The following OTUD5 variants were observed in gnomAD, a reference collection of about 807,000 sequenced individuals.
The protein encoded by OTUD5 is OTU deubiquitinase 5, also known as OTU domain-containing protein 5.
A neutral mutation model predicts 36.3 loss-of-function variants in OTUD5; 2 were observed. The observed-to-expected ratio is 0.06, with a 90% CI of 0.02 to 0.17. The LOEUF is 0.17. Among genes scored for constraint, OTUD5 ranks in the 10% least tolerant of loss-of-function variants. The pLI, the probability that OTUD5 is intolerant of heterozygous loss-of-function variation, is 1.00. For missense variants in OTUD5, 233 were observed against 512.3 expected, an observed-to-expected ratio of 0.45 and a Z score of 5.26; for synonymous variants, 234 against 214.9, an observed-to-expected ratio of 1.09 and a Z score of -0.78.
At chrX:48,951,791 C>T (rs1334966906) in intron 1 of OTUD5, among the ~76,000 whole-genome samples, 4 of 112,137 alleles carry the variant, frequency 3.6e-5, no homozygotes, top group African/African-American at 1.3e-4. Context: ...CGGTGACTCA[C>T]ACCTGTAATC....
intron 1 of OTUD5, among the ~76,000 whole-genome samples, chrX:48,950,628 C>T (rs1189890148): frequency 2.9e-5 from 3 of 105,115 alleles, no homozygotes; most frequent in Non-Finnish European, 5.9e-5. Flanking sequence ...CTGCAACCCC[C>T]ACCTCACTGC....
intron 8 of OTUD5, 130 bp from the exon 9 acceptor site, chrX:48,923,425 G>A (rs2073311198): frequency 1.7e-5 from 10 of 589,981 alleles, no homozygotes; most frequent in Admixed American, 6.0e-5. Context: ...CAAAACAGAA[G>A]GATCTGCTAG....
rs1259559673 is a variant in OTUD5 at position 48,922,221 on chromosome X, T to C, written c.*953A>G. ...ACAGAGTCGCTCAGGGAAACTGACA[T>C]TTGGTTTTATTGTGCCAAGGACATT... On this transcript the variant is annotated 3_prime_UTR_variant, in exon 9 of 9. Transcript: ENST00000376488. The C allele has an allele frequency of 9.1e-6, 1 of 109,624 alleles. No individual in the cohort carries two copies. Among genetic ancestry groups the C allele is most frequent in the African/African-American group, 3.3e-5 (1 of 30,067 alleles). The allele number at this position is 109,624 out of a possible 1,213,427, so 9.0% of individuals were successfully genotyped here.
At chrX:48,933,695 G>A (rs1273270948) in intron 5 of OTUD5, among the ~76,000 whole-genome samples, 7 of 111,917 alleles carry the variant, frequency 6.3e-5, no homozygotes, top group African/African-American at 2.3e-4. Flanking sequence ...TGGGATTACA[G>A]GTGTGGGCCA....
At chrX:48,955,209 T>TC (rs1557054860) in intron 1 of OTUD5, among the ~76,000 whole-genome samples, 1 of 111,692 alleles carries the variant, frequency 9.0e-6, no homozygotes, top group African/African-American at 3.3e-5. Flanking sequence ...AAGTCTTATG[T>TC]CCCTAAATGA....
At chrX:48,956,115 C>G (rs1428446024) in intron 1 of OTUD5, among the ~76,000 whole-genome samples, 6 of 111,829 alleles carry the variant, frequency 5.4e-5, no homozygotes, top group African/African-American at 2.0e-4. Context: ...GGTTCAGGCC[C>G]TTGTCTCCCA....
At position 48,923,192 on chromosome X, in the gene OTUD5, C is replaced by T. The variant is rs142390277; in HGVS notation, c.1683G>A (p.Pro561=). 6.3e-3 allele frequency: 7,647 copies of T among 1,205,338 alleles called. 355 individuals are homozygous for T. The African/African-American group carries it at 0.12, about 18-fold the overall frequency. Residue 561 remains proline (P), a synonymous_variant, in exon 9 of 9, where the codon CCG becomes CCA. Transcript: ENST00000376488. ...SMKKNKVHRD[P]PPDKS is the part of the protein sequence containing the mutation. Reference sequence around the variant, plus strand: ...GTCTCCATCAACTCTTGTCTGGGGGCGGGTCTCTGTGCACTTTGTTTTTCT... The same window carrying T: ...GTCTCCATCAACTCTTGTCTGGGGGTGGGTCTCTGTGCACTTTGTTTTTCT...
chrX:48,957,931 G>A (rs1557056258), upstream of OTUD5: 3 of 516,607 alleles, frequency 5.8e-6, no homozygotes, highest in African/African-American at 2.6e-5. Flanking sequence ...CCGCCCCCTC[G>A]CAGGTTCTTG....
chrX:48,950,344 T>C (rs1321605609), intron 1 of OTUD5, among the ~76,000 whole-genome samples: 1 of 109,304 alleles, frequency 9.1e-6, no homozygotes, highest in Non-Finnish European at 1.9e-5. Flanking sequence ...ATGGTGAAGA[T>C]GGAGGCAGAG....
rs782737766 is a variant in OTUD5 at position 48,957,431 on chromosome X, CCGCCCACGCCCGTGCCGCCGCCGCCCA to C, written c.113_139del (p.Val38_Gly46del). On this transcript the variant is annotated inframe_deletion, in exon 1 of 9. Transcript: ENST00000376488. Reference sequence around the variant, plus strand: ...GCCGGAGTCACGGTCGCGATCGCCGCCGCCCACGCCCGTGCCGCCGCCGCCCACGCCCACACCTCCGCCGCGCCGCGG... The same window carrying C: ...GCCGGAGTCACGGTCGCGATCGCCGCCGCCCACACCTCCGCCGCGCCGCGG... The C allele has an allele frequency of 2.9e-6, 3 of 1,024,346 alleles. No homozygotes were observed. The highest frequency in any genetic ancestry group is 2.7e-5 in the South Asian group (1 of 37,167). 84.4% of individuals were successfully genotyped at this position (1,024,346 alleles called of 1,213,427 possible). A position where few individuals can be genotyped will look rare whatever the true frequency, so the allele number is the denominator to read the frequency against.
intron 1 of OTUD5, among the ~76,000 whole-genome samples, chrX:48,947,907 G>C (rs139241479): frequency 5.8e-4 from 65 of 111,775 alleles, no homozygotes; most frequent in African/African-American, 2.0e-3. Flanking sequence ...GTTCTGGGTA[G>C]TACTAGGCAG....
chrX:48,954,280 G>A (rs1348014798), intron 1 of OTUD5, among the ~76,000 whole-genome samples: 1 of 110,943 alleles, frequency 9.0e-6, no homozygotes, highest in Non-Finnish European at 1.9e-5. Context: ...GTTCTTATGG[G>A]GACAAGTATA....
rs2063595016 is a variant in OTUD5 at position 48,922,368 on chromosome X, C to T, written c.*806G>A. On this transcript the variant is annotated 3_prime_UTR_variant, in exon 9 of 9. Coordinates refer to ENST00000376488, the MANE Select transcript of OTUD5 (RefSeq NM_001136157.2). ...ATAATCCCCAAAGATGACCCCCACC[C>T]CAAGATTCCAAAGAAGCTAGTGGTG... 5.1e-6 allele frequency: 1 copy of T among 194,493 alleles called. No homozygotes were observed. The highest frequency in any genetic ancestry group is 3.1e-5 in the African/African-American group (1 of 32,398). The allele number at this position is 194,493 out of a possible 1,213,427, so 16.0% of individuals were successfully genotyped here. A position where few individuals can be genotyped will look rare whatever the true frequency, so the allele number is the denominator to read the frequency against.
chrX:48,953,953 T>C (rs1227150756), intron 1 of OTUD5, among the ~76,000 whole-genome samples: 2 of 110,458 alleles, frequency 1.8e-5, no homozygotes, highest in African/African-American at 6.6e-5. Flanking sequence ...GGACCAAGAC[T>C]GGGGTGGCAG....
At chrX:48,940,827 A>G (rs1557050842) in intron 2 of OTUD5, 1 of 112,225 alleles carries the variant, frequency 8.9e-6, no homozygotes, top group Non-Finnish European at 1.9e-5. Context: ...TGAATCCCCA[A>G]TAAGAGGAGG....
At chrX:48,938,554 C>T (rs1393850898) in intron 2 of OTUD5, among the ~76,000 whole-genome samples, 1 of 109,694 alleles carries the variant, frequency 9.1e-6, no homozygotes, top group Admixed American at 9.7e-5. Flanking sequence ...ATTAGCCAGG[C>T]AGGGTGGTGG....
intron 1 of OTUD5, 105 bp downstream of exon 1, chrX:48,956,872 C>A: frequency 1.1e-6 from 1 of 870,363 alleles, no homozygotes; most frequent in Admixed American, 5.0e-5. Context: ...CCAGTGAAAA[C>A]GCCTAGATCC....
At chrX:48,943,269 CA>C (rs1485785829) in intron 2 of OTUD5, among the ~76,000 whole-genome samples, 1 of 111,791 alleles carries the variant, frequency 8.9e-6, no homozygotes, top group Non-Finnish European at 1.9e-5. Flanking sequence ...TGTTGGGTCA[CA>C]GATTCAGAGC....
At chrX:48,938,712 T>C (rs1557050453) in intron 2 of OTUD5, among the ~76,000 whole-genome samples, 2 of 109,237 alleles carry the variant, frequency 1.8e-5, no homozygotes. Context: ...AAAAAAAGAA[T>C]TCGTTTTTCT....
Sources: allele counts gnomAD v4.1 joint callset (sites outside exome capture counted in the v4.1 genomes callset), GRCh38; gene constraint gnomAD v4.1.1; transcripts MANE v1.5; gene names NCBI Gene and HGNC (gene_info 2026-07-23, HGNC 2026-07-21).